The following SLIT3 variants were observed in gnomAD, a reference collection of about 807,000 sequenced individuals.
SLIT3 encodes the protein slit homolog 3 protein.
A neutral mutation model predicts 184.0 loss-of-function variants in SLIT3; 68 were observed. The observed-to-expected ratio is 0.37, with a 90% CI of 0.30 to 0.45. The LOEUF is 0.45. Ranked by LOEUF, SLIT3 falls within the 20% of genes least tolerant of loss-of-function variation. The pLI is 1.00. For synonymous variants in SLIT3, 831 were observed against 828.6 expected, an observed-to-expected ratio of 1.00 and a Z score of -0.05; for missense variants, 1,707 against 2,026.0, an observed-to-expected ratio of 0.84 and a Z score of 3.02.
chr5:169,137,775 G>A (rs1761577055), intron 4 of SLIT3, among the ~76,000 whole-genome samples: 1 of 151,444 alleles, frequency 6.6e-6, no homozygotes, highest in African/African-American at 2.4e-5. Flanking sequence ...GGGTTCCCAC[G>A]ATGTGAGACT....
intron 4 of SLIT3, among the ~76,000 whole-genome samples, chr5:169,181,293 T>TGC (rs1763143706): frequency 6.6e-6 from 1 of 152,216 alleles, no homozygotes; most frequent in Admixed American, 6.5e-5. Context: ...TGTGTGTGTG[T>TGC]GCGTGGTACG....
intron 5 of SLIT3, among the ~76,000 whole-genome samples, chr5:168,880,321 T>G (rs1243421900): frequency 2.0e-5 from 3 of 152,306 alleles, no homozygotes; most frequent in Non-Finnish European, 4.4e-5. Flanking sequence ...AAGCCCATGC[T>G]CCTCGCAGTC....
At chr5:169,077,660 G>T (rs1056860568) in intron 4 of SLIT3, among the ~76,000 whole-genome samples, 10 of 152,192 alleles carry the variant, frequency 6.6e-5, no homozygotes, top group African/African-American at 2.2e-4. Context: ...AGTTTTCGGG[G>T]AGTCAAAAGT....
chr5:168,927,978 T>C (rs1426520534), intron 4 of SLIT3, among the ~76,000 whole-genome samples: 4 of 152,220 alleles, frequency 2.6e-5, no homozygotes. Context: ...TTGTCCCTTT[T>C]TGAGCTGCCA....
intron 14 of SLIT3, among the ~76,000 whole-genome samples, chr5:168,771,880 G>A (rs1454380387): frequency 6.6e-6 from 1 of 152,174 alleles, no homozygotes. Context: ...GGCAAGGGGA[G>A]AAGCACTGCT....
At chr5:168,722,028 CAG>C (rs1431701881) in intron 23 of SLIT3, among the ~76,000 whole-genome samples, 1 of 152,148 alleles carries the variant, frequency 6.6e-6, no homozygotes, top group Admixed American at 6.5e-5. Flanking sequence ...TGAAGGGGCT[CAG>C]TGATTTGCTC....
intron 20 of SLIT3, among the ~76,000 whole-genome samples, chr5:168,744,540 A>G (rs1010587128): frequency 6.6e-6 from 1 of 152,214 alleles, no homozygotes; most frequent in Non-Finnish European, 1.5e-5. Flanking sequence ...TTCAAAGGGC[A>G]GGCTGACTTT....
chr5:168,917,165 G>A lies in SLIT3; in HGVS notation c.414-33829C>T, dbSNP rs146395873. On this transcript the variant is annotated intron_variant, in intron 4 of 35. Transcript: ENST00000519560. ...AACATCATTGCATAATAATCATCAG[G>A]TTTAGAATCTGAGAGACTTGAAAAG... is the stretch of plus-strand genomic sequence containing the variant. 7.5e-3 allele frequency among the ~76,000 whole-genome samples: 1,137 copies of A among 152,248 alleles called. 11 individuals carry two copies. Among genetic ancestry groups the A allele is most frequent in the African/African-American group, 0.025 (1,059 of 41,546 alleles).
chr5:169,058,073 C>A (rs1050633223), intron 4 of SLIT3, among the ~76,000 whole-genome samples: 1 of 152,242 alleles, frequency 6.6e-6, no homozygotes, highest in Non-Finnish European at 1.5e-5. Context: ...GAATTTCCTA[C>A]AGTGTCAAAT....
chr5:168,856,810 C>CGT (rs1415584022), intron 5 of SLIT3, among the ~76,000 whole-genome samples: 3 of 105,900 alleles, frequency 2.8e-5, no homozygotes, highest in Admixed American at 1.0e-4. Flanking sequence ...TGTGTGTGCG[C>CGT]GCGCGCGCAC....
At chr5:169,225,314 T>G (rs899374849) in intron 3 of SLIT3, among the ~76,000 whole-genome samples, 2 of 152,214 alleles carry the variant, frequency 1.3e-5, no homozygotes, top group African/African-American at 4.8e-5. Context: ...GGCTGAAGAA[T>G]AACCCAGCAA....
At chr5:168,937,925 T>C (rs1762212348) in intron 4 of SLIT3, among the ~76,000 whole-genome samples, 1 of 152,118 alleles carries the variant, frequency 6.6e-6, no homozygotes, top group African/African-American at 2.4e-5. Flanking sequence ...ACACTAAAGC[T>C]TCTGATCAGA....
chr5:168,753,042 C>T lies in SLIT3; in HGVS notation c.1886G>A (p.Ser629Asn), dbSNP rs34260167. 15,818 of 1,614,110 alleles carry T rather than the reference C, an allele frequency of 9.8e-3. 108 individuals carry two copies. The highest frequency in any genetic ancestry group is 0.012 in the Non-Finnish European group (14,033 of 1,179,978). The stretch of plus-strand genomic sequence containing the variant: ...ATAGAGGGACAGCAGTCTCACCGAA[C>T]TCAGGCCGGCAAAGGTGTCATTACT... ...CVSNDTFAGL[S>N]SVRLLSLYDN... Residue 629 changes from serine (S) to asparagine (N), a missense_variant, in exon 18 of 36, where the codon AGT becomes AAT. Physicochemically the swap from Ser to Asn is conservative, Grantham distance 46. Transcript: ENST00000519560.
At chr5:168,731,931 T>C (rs1763301205) in intron 20 of SLIT3, among the ~76,000 whole-genome samples, 3 of 152,090 alleles carry the variant, frequency 2.0e-5, no homozygotes, top group South Asian at 2.1e-4. Flanking sequence ...TTCAGTGTAG[T>C]ATTGGAAGTC....
chr5:169,267,176 T>C, intron 1 of SLIT3, among the ~76,000 whole-genome samples: 1 of 152,180 alleles, frequency 6.6e-6, no homozygotes, highest in South Asian at 2.1e-4. Flanking sequence ...CACAGGGAGA[T>C]TAAGACACCT....
chr5:169,062,270 C>T (rs747649546), intron 4 of SLIT3, among the ~76,000 whole-genome samples: 10 of 152,212 alleles, frequency 6.6e-5, no homozygotes, highest in Non-Finnish European at 1.2e-4. Context: ...CAGGCATTCA[C>T]CACTCACCCT....
At chr5:168,852,745 T>A (rs1031924338) in intron 5 of SLIT3, among the ~76,000 whole-genome samples, 1 of 152,224 alleles carries the variant, frequency 6.6e-6, no homozygotes, top group African/African-American at 2.4e-5. Flanking sequence ...TTTTTTCTTA[T>A]AAAAGTGGAA....
chr5:169,086,835 T>C (rs1375579253), intron 4 of SLIT3, among the ~76,000 whole-genome samples: 4 of 152,166 alleles, frequency 2.6e-5, no homozygotes, highest in African/African-American at 4.8e-5. Context: ...GCACTACTGG[T>C]ATAATTAACT....
chr5:168,896,255 G>A (rs1238878795), intron 4 of SLIT3, among the ~76,000 whole-genome samples: 1 of 152,170 alleles, frequency 6.6e-6, no homozygotes, highest in Non-Finnish European at 1.5e-5. Flanking sequence ...TTTGTCACTT[G>A]CTTGACTGGG....
Sources: allele counts gnomAD v4.1 joint callset (sites outside exome capture counted in the v4.1 genomes callset), GRCh38; gene constraint gnomAD v4.1.1; transcripts MANE v1.5; gene names NCBI Gene and HGNC (gene_info 2026-07-23, HGNC 2026-07-21).